ZBBX: variants seen among roughly 807,000 people sequenced by gnomAD.
ZBBX encodes zinc finger B-box domain containing, also known as zinc finger B-box domain-containing protein 1.
A neutral mutation model predicts 108.5 loss-of-function variants in ZBBX; 101 were observed. The observed-to-expected ratio is 0.93, with a 90% CI of 0.79 to 1.10. ZBBX has a LOEUF of 1.10. ZBBX is among the 50% of genes least tolerant of loss of function. The probability of loss-of-function intolerance (pLI) is 0.00; values close to 1 mark genes in which losing one functional copy is unlikely to be tolerated. For synonymous variants in ZBBX, 356 were observed against 323.4 expected, an observed-to-expected ratio of 1.10 and a Z score of -1.08; for missense variants, 1,009 against 941.4, an observed-to-expected ratio of 1.07 and a Z score of -0.94.
intron 9 of ZBBX, among the ~76,000 whole-genome samples, chr3:167,348,314 G>GCGAA (rs1741920013): frequency 1.5e-5 from 1 of 65,592 alleles, no homozygotes. Context: ...GAGAAAGAAA[G>GCGAA]AGAAAGAAAG....
At chr3:167,247,891 G>A (rs948834602) in intron 20 of ZBBX, among the ~76,000 whole-genome samples, 18 of 152,076 alleles carry the variant, frequency 1.2e-4, no homozygotes, top group African/African-American at 3.9e-4. Context: ...AAGAAGCTCT[G>A]TTTCCCTTCA....
chr3:167,341,133 C>T (rs1461947873), intron 9 of ZBBX, among the ~76,000 whole-genome samples: 2 of 151,936 alleles, frequency 1.3e-5, no homozygotes, highest in Non-Finnish European at 2.9e-5. Flanking sequence ...ATTAACCTTT[C>T]CTCTAAAGGT....
At chr3:167,222,789 AG>A in the ZBBX span, among the ~76,000 whole-genome samples, 1 of 151,978 alleles carries the variant, frequency 6.6e-6, no homozygotes, top group African/African-American at 2.4e-5. Context: ...GAGGCTGACA[AG>A]GGTGTGTTTT....
At chr3:167,286,088 G>A (rs1729643979) in intron 19 of ZBBX, among the ~76,000 whole-genome samples, 1 of 152,132 alleles carries the variant, frequency 6.6e-6, no homozygotes, top group Non-Finnish European at 1.5e-5. Flanking sequence ...TCTCTATGGA[G>A]GTAGCATCTG....
chr3:167,333,307 CAATATGT>C (rs1367046340), intron 10 of ZBBX, among the ~76,000 whole-genome samples: 1 of 151,892 alleles, frequency 6.6e-6, no homozygotes, highest in Non-Finnish European at 1.5e-5. Flanking sequence ...GCTAAAGAAT[CAATATGT>C]CTATTATAAA....
chr3:167,373,401 T>C (rs1424692887), intron 3 of ZBBX, among the ~76,000 whole-genome samples: 1 of 152,196 alleles, frequency 6.6e-6, no homozygotes, highest in Non-Finnish European at 1.5e-5. Context: ...TAACTATTTA[T>C]GTGCTAATAA....
intron 8 of ZBBX, among the ~76,000 whole-genome samples, chr3:167,352,917 T>C (rs1023991884): frequency 6.6e-6 from 1 of 152,108 alleles, no homozygotes; most frequent in African/African-American, 2.4e-5. Context: ...TTGATAACAT[T>C]CAGCATCACT....
At chr3:167,361,837 A>T (rs1744564862) in intron 6 of ZBBX, among the ~76,000 whole-genome samples, 1 of 152,214 alleles carries the variant, frequency 6.6e-6, no homozygotes, top group African/African-American at 2.4e-5. Context: ...TTGAAACATG[A>T]TCAGTGTGGT....
At chr3:167,205,677 A>T in the ZBBX span, among the ~76,000 whole-genome samples, 1 of 152,176 alleles carries the variant, frequency 6.6e-6, no homozygotes, top group Non-Finnish European at 1.5e-5. Context: ...TTTTGTCTGC[A>T]TTTTACAGGA....
intron 16 of ZBBX, among the ~76,000 whole-genome samples, chr3:167,311,038 C>T (rs779786521): frequency 5.9e-5 from 9 of 152,052 alleles, no homozygotes; most frequent in Non-Finnish European, 1.0e-4. Flanking sequence ...AGACTTGATA[C>T]TACCTTACAT....
chr3:167,241,134 A>G (rs1056971040), intron 21 of ZBBX, among the ~76,000 whole-genome samples: 1 of 152,148 alleles, frequency 6.6e-6, no homozygotes, highest in Non-Finnish European at 1.5e-5. Context: ...CAAGAAATAC[A>G]GCCACAGTAG....
At chr3:167,331,103 A>C (rs1445368283) in intron 10 of ZBBX, among the ~76,000 whole-genome samples, 1 of 152,042 alleles carries the variant, frequency 6.6e-6, no homozygotes, top group Non-Finnish European at 1.5e-5. Context: ...TGGGACTTCT[A>C]GACTACAGAA....
At chr3:167,384,336 T>C (rs1554568), upstream of ZBBX, among the ~76,000 whole-genome samples, 49,573 of 151,866 alleles carry the variant, frequency 0.33, 8,239 homozygotes, top group African/African-American at 0.38. Flanking sequence ...GCTTGGAAAG[T>C]ACAGATACAT....
intron 20 of ZBBX, among the ~76,000 whole-genome samples, chr3:167,256,865 T>G (rs115085030): frequency 6.6e-6 from 1 of 152,130 alleles, no homozygotes; most frequent in Non-Finnish European, 1.5e-5. Flanking sequence ...TTATTTTCCA[T>G]TCATCTGTTG....
chr3:167,356,528 T>C (rs1043010669), intron 8 of ZBBX, among the ~76,000 whole-genome samples: 2 of 152,168 alleles, frequency 1.3e-5, no homozygotes, highest in Non-Finnish European at 2.9e-5. Flanking sequence ...CATTAAATTC[T>C]TTGAAGAGGA....
chr3:167,330,861 G>GAA (rs1249787949), intron 10 of ZBBX, among the ~76,000 whole-genome samples: 30 of 76,622 alleles, frequency 3.9e-4, no homozygotes, highest in Middle Eastern at 5.3e-3. Context: ...AGGAGGAGGA[G>GAA]GAGGAGGAGG....
In ZBBX at chr3:167,360,709, T is replaced by C. The variant is rs753653885; in HGVS notation, c.288A>G (p.Lys96=). The C allele has an allele frequency of 1.4e-6, 2 of 1,390,626 alleles. No homozygotes were observed. Among genetic ancestry groups the C allele is most frequent in the Admixed American group, 2.9e-5 (1 of 35,014 alleles). The allele number at this position is 1,390,626 out of a possible 1,614,324, so 86.1% of individuals were successfully genotyped here. A position where few individuals can be genotyped will look rare whatever the true frequency, so the allele number is the denominator to read the frequency against. ...GTTCCTTCAGCAATTTTAATTTCAC[T>C]TTTCCAGCAGAAAACTGTATTAATA... ...KGNVVKFSAG[K]VKLKLLKEQI... Residue 96 remains lysine (K), a synonymous_variant, in exon 7 of 22, where the codon AAA becomes AAG. Transcript: ENST00000675490.
chr3:167,403,389 G>A (rs951917822), intron 1 of ZBBX, among the ~76,000 whole-genome samples: 1 of 152,108 alleles, frequency 6.6e-6, no homozygotes, highest in African/African-American at 2.4e-5. Flanking sequence ...AATCAAAGCT[G>A]AGAGAATTTG....
intron 2 of ZBBX, among the ~76,000 whole-genome samples, chr3:167,376,912 G>A (rs1385176634): frequency 1.3e-5 from 2 of 152,174 alleles, no homozygotes; most frequent in Non-Finnish European, 2.9e-5. Context: ...ATATAACAAT[G>A]TCAGCAGCAA....
Sources: gnomAD v4.1 joint callset for allele counts (sites outside exome capture counted in the v4.1 genomes callset) on GRCh38, gnomAD v4.1.1 for gene constraint, MANE v1.5 for transcripts, NCBI Gene and HGNC (gene_info 2026-07-23, HGNC 2026-07-21) for gene names.